The following ASIC4 variants were observed in gnomAD, a reference collection of about 807,000 sequenced individuals.
ASIC4 encodes the protein acid sensing ion channel subunit family member 4.
A neutral mutation model predicts 53.4 loss-of-function variants in ASIC4; 28 were observed. The ratio of observed to expected loss-of-function variants is 0.52; its 90% CI spans 0.39 to 0.72. The LOEUF (loss-of-function observed/expected upper bound fraction) is 0.72. ASIC4 is among the 30% of genes least tolerant of loss of function. The pLI is 0.00. For missense variants in ASIC4, 649 were observed against 729.7 expected, an observed-to-expected ratio of 0.89 and a Z score of 1.27; for synonymous variants, 289 against 301.4, an observed-to-expected ratio of 0.96 and a Z score of 0.43.
rs768468169 is a variant in ASIC4 at position 219,538,050 on chromosome 2, G to C, written c.*4G>C. ...CTTTGAAGATTTTGCTTGCTAGGAC[G>C]GTGCTGTGACTGAAAGGACCCAGGA... On this transcript the variant is annotated 3_prime_UTR_variant, in exon 10 of 10. Coordinates refer to ENST00000358078, the MANE Select transcript of ASIC4 (RefSeq NM_018674.6). 13 of 1,609,484 alleles carry C rather than the reference G, an allele frequency of 8.1e-6. No homozygotes were observed. Among genetic ancestry groups the C allele is most frequent in the Non-Finnish European group, 1.1e-5 (13 of 1,177,444 alleles).
chr2:219,522,191 G>A (rs1260338000), intron 1 of ASIC4, among the ~76,000 whole-genome samples: 1 of 152,218 alleles, frequency 6.6e-6, no homozygotes, highest in Non-Finnish European at 1.5e-5. Flanking sequence ...CAGCCGAGGC[G>A]GCAGCAAGAG....
the ASIC4 span, among the ~76,000 whole-genome samples, chr2:219,508,663 C>G: frequency 6.6e-6 from 1 of 152,108 alleles, no homozygotes; most frequent in African/African-American, 2.4e-5. Context: ...GGAGCACCTG[C>G]CCCTGGACGG....
chr2:219,514,733 C>G lies in ASIC4; in HGVS notation c.9C>G (p.Ile3Met). The G allele has an allele frequency of 6.2e-7, 1 of 1,613,636 alleles. No individual in the cohort carries two copies. The highest frequency in any genetic ancestry group is 1.1e-5 in the South Asian group (1 of 91,074). ...CCAGCAGCCGGGGACAGATGCCGAT[C>G]GAGATTGTGTGCAAAATCAAATTTG... Reference protein sequence around the residue: MPIEIVCKIKFAE... With the variant: MPMEIVCKIKFAE... Residue 3 changes from isoleucine to methionine, a missense_variant, in exon 1 of 10, where the codon ATC (isoleucine) becomes ATG (methionine). Physicochemically the swap from Ile to Met is conservative, Grantham distance 10. Coordinates refer to ENST00000358078, the MANE Select transcript of ASIC4 (RefSeq NM_018674.6).
intron 5 of ASIC4, chr2:219,533,339 A>G: frequency 6.8e-6 from 2 of 292,886 alleles, no homozygotes; most frequent in Admixed American, 8.9e-5. Flanking sequence ...TCTGCAGTTC[A>G]TCCATCTATC....
Position 219,515,217 on chromosome 2 carries a change from A to G in ASIC4, c.493A>G (p.Ile165Val), listed in dbSNP as rs993423423. ...LRYPEPDMVD[I>V]LNRTGHQLAD... ...CTACCCAGAGCCTGACATGGTAGACATCCTCAACCGCACTGGCCACCAGCT... is the reference window on the plus strand; with the variant it reads ...CTACCCAGAGCCTGACATGGTAGACGTCCTCAACCGCACTGGCCACCAGCT... Residue 165 changes from isoleucine to valine, a missense_variant, in exon 1 of 10, where the codon ATC becomes GTC. Ile to Val is a conservative substitution (Grantham distance 29, BLOSUM62 3). Coordinates refer to ENST00000358078, the MANE Select transcript of ASIC4 (RefSeq NM_018674.6). The G allele has an allele frequency of 1.9e-6, 3 of 1,614,052 alleles. No homozygotes were observed. The highest frequency in any genetic ancestry group is 2.2e-5 in the East Asian group (1 of 44,884).
chr2:219,516,070 T>TGCACACGCACACAC lies in ASIC4; in HGVS notation c.582+775_582+788dup, dbSNP rs1424562599. Among the ~76,000 whole-genome samples, 14 of 152,116 alleles carry TGCACACGCACACAC rather than the reference T, an allele frequency of 9.2e-5. No homozygotes were observed. Among genetic ancestry groups the TGCACACGCACACAC allele is most frequent in the East Asian group, 7.7e-4 (4 of 5,192 alleles). On this transcript the variant is annotated intron_variant, in intron 1 of 9. Coordinates refer to ENST00000358078, the MANE Select transcript of ASIC4 (RefSeq NM_018674.6). This position sits in a 1 kb window ranked among gnomAD's most constrained non-coding sequence, Gnocchi z 4.9. ...GCCCCAGCACGGGTGCATGCACACA[T>TGCACACGCACACAC]GCACACGCACACACGCACACGCACT...
At chr2:219,520,950 G>A (rs1694874655) in intron 1 of ASIC4, among the ~76,000 whole-genome samples, 2 of 152,236 alleles carry the variant, frequency 1.3e-5, no homozygotes, top group Admixed American at 6.5e-5. Context: ...GTCAAAAGCA[G>A]CTCCAAATCG....
chr2:219,535,973 A>C (rs554121831), intron 6 of ASIC4, among the ~76,000 whole-genome samples: 1 of 152,042 alleles, frequency 6.6e-6, no homozygotes. Context: ...GGGTTTCACC[A>C]TGTTGGCCAG....
At position 219,537,404 on chromosome 2, in the gene ASIC4, G is replaced by A. The variant is rs767885521; in HGVS notation, c.1401+83G>A. ...GCAGTGCGGGGTGCCTGGTGGAGCT[G>A]GCCTGGCTGGAAAGTCAGGTTCAGG... On this transcript the variant is annotated intron_variant, in intron 8 of 9. Transcript: ENST00000358078. This position sits in a 1 kb window ranked among gnomAD's most constrained non-coding sequence, Gnocchi z 4.9. The A allele has an allele frequency of 4.1e-6, 6 of 1,467,258 alleles. No individual in the cohort carries two copies. The highest frequency in any genetic ancestry group is 5.6e-6 in the Non-Finnish European group (6 of 1,073,452). 90.9% of individuals were successfully genotyped at this position (1,467,258 alleles called of 1,614,324 possible).
chr2:219,508,846 T>C, the ASIC4 span, among the ~76,000 whole-genome samples: 1 of 142,704 alleles, frequency 7.0e-6, no homozygotes, highest in African/African-American at 2.6e-5. Flanking sequence ...AGGGGTGCGC[T>C]CCTGCCATTA....
At chr2:219,533,460 G>T (rs956640022) in intron 5 of ASIC4, 2 of 167,550 alleles carry the variant, frequency 1.2e-5, no homozygotes, top group African/African-American at 4.7e-5. Flanking sequence ...CCCCGGCAGG[G>T]CTGTGGACAG....
Position 219,518,073 on chromosome 2 carries a change from T to C in ASIC4, c.582+2767T>C, listed in dbSNP as rs1438453001. On this transcript the variant is annotated intron_variant, in intron 1 of 9. Coordinates refer to ENST00000358078, the MANE Select transcript of ASIC4 (RefSeq NM_018674.6). This position sits in a 1 kb window ranked among gnomAD's most constrained non-coding sequence, Gnocchi z 4.8. ...CCCCACGCTCCCTAATATCCCTTCA[T>C]GCACTCCCAATCAGTCAGTCAATCA... Among the ~76,000 whole-genome samples the C allele has an allele frequency of 6.6e-6, 1 of 152,136 alleles. No individual in the cohort carries two copies. The highest frequency in any genetic ancestry group is 6.6e-5 in the Admixed American group (1 of 15,262).
intron 1 of ASIC4, 25 bp from the exon 2 acceptor site, chr2:219,531,733 C>T: frequency 6.4e-7 from 1 of 1,551,736 alleles, no homozygotes; most frequent in African/African-American, 1.4e-5. Context: ...CATCTCCCCT[C>T]CTGCTCTCTC....
rs978135320 is a variant in ASIC4 at position 219,516,440 on chromosome 2, C to T, written c.582+1134C>T. 3.3e-5 allele frequency among the ~76,000 whole-genome samples: 5 copies of T among 151,868 alleles called. No homozygotes were observed. The highest frequency in any genetic ancestry group is 1.9e-4 in the East Asian group (1 of 5,196). ...ACAGTCAGGTATGTGAGGGGGTGGG[C>T]GTGTCTTGTACACTGCCTGTCTGTC... On this transcript the variant is annotated intron_variant, in intron 1 of 9. Transcript: ENST00000358078. This position sits in a 1 kb window ranked among gnomAD's most constrained non-coding sequence, Gnocchi z 4.9.
At chr2:219,522,540 C>A (rs946584365) in intron 1 of ASIC4, among the ~76,000 whole-genome samples, 23 of 152,146 alleles carry the variant, frequency 1.5e-4, no homozygotes, top group Non-Finnish European at 2.8e-4. Flanking sequence ...CGTTTCTGGT[C>A]GCAGCCTCCC....
chr2:219,513,244 CT>C (rs1694725501), upstream of ASIC4, among the ~76,000 whole-genome samples: 1 of 152,118 alleles, frequency 6.6e-6, no homozygotes, highest in Non-Finnish European at 1.5e-5. Context: ...CCCCCCTTTC[CT>C]CCCGGGGACA....
chr2:219,528,199 C>G (rs1694987981), intron 1 of ASIC4, among the ~76,000 whole-genome samples: 1 of 152,198 alleles, frequency 6.6e-6, no homozygotes, highest in Non-Finnish European at 1.5e-5. Context: ...ATCAGCATTT[C>G]CCACACCACC....
At chr2:219,533,650 G>A (rs551100163) in intron 5 of ASIC4, 144 of 153,868 alleles carry the variant, frequency 9.4e-4, no homozygotes, top group Non-Finnish European at 1.7e-3. Context: ...ATACACTGAA[G>A]ACCTGTGGCC....
At position 219,536,347 on chromosome 2, in the gene ASIC4, C is replaced by T. The variant is rs560295148; in HGVS notation, c.1230-719C>T. Reference sequence around the variant, plus strand: ...CCGCCCTGAGGCTTGGGTCTGGTCCCCTCCAGCCAGTCTACACTTGTGGAG... The same window carrying T: ...CCGCCCTGAGGCTTGGGTCTGGTCCTCTCCAGCCAGTCTACACTTGTGGAG... On this transcript the variant is annotated intron_variant, in intron 6 of 9. Transcript: ENST00000358078. This position sits in a 1 kb window ranked among gnomAD's most constrained non-coding sequence, Gnocchi z 4.6. 7.5e-4 allele frequency among the ~76,000 whole-genome samples: 114 copies of T among 152,322 alleles called. No homozygotes were observed. The highest frequency in any genetic ancestry group is 6.8e-3 in the Middle Eastern group (2 of 294).
Sources: allele counts gnomAD v4.1 joint callset (sites outside exome capture counted in the v4.1 genomes callset), GRCh38; gene constraint gnomAD v4.1.1; non-coding constraint Gnocchi (gnomAD v3.1); transcripts MANE v1.5; gene names NCBI Gene and HGNC (gene_info 2026-07-23, HGNC 2026-07-21).